The following PIBF1 variants were observed in gnomAD, a reference collection of about 807,000 sequenced individuals.
PIBF1 encodes the protein progesterone-induced-blocking factor 1.
Under a neutral mutation model 112.5 loss-of-function variants are expected in PIBF1, and 90 were observed. The observed-to-expected ratio is 0.80, with a 90% confidence interval of 0.67 to 0.95. The LOEUF is 0.95. Among genes scored for constraint, PIBF1 ranks in the 40% least tolerant of loss-of-function variants. The pLI is 0.00. For missense variants in PIBF1, 915 were observed against 852.3 expected (o/e 1.07, Z -0.92); for synonymous variants, 301 against 288.6 (o/e 1.04, Z -0.44).
At chr13:72,901,178 T>G in intron 11 of PIBF1, 1 of 307,416 alleles carries the variant, frequency 3.3e-6, no homozygotes, top group South Asian at 2.5e-5. Flanking sequence ...TGACAAAGGA[T>G]GAATATCCGG....
rs116279383 is a variant in PIBF1, at chr13:72,989,333, G to C, written c.2050-9489G>C. 7.0e-3 allele frequency among the ~76,000 whole-genome samples: 1,068 copies of C among 152,332 alleles called. 15 individuals are homozygous for C. Among genetic ancestry groups the C allele is most frequent in the African/African-American group, 0.025 (1,030 of 41,570 alleles). ...GTAACCAAAAAGTGGAAATAACCCA[G>C]ATGTCCTTCAGCTGATGAGTAAACA... On this transcript the variant is annotated intron_variant, in intron 16 of 17. Coordinates refer to ENST00000326291, the MANE Select transcript of PIBF1 (RefSeq NM_006346.4).
intron 10 of PIBF1, among the ~76,000 whole-genome samples, chr13:72,878,640 C>T (rs1401026661): frequency 1.3e-5 from 2 of 152,088 alleles, no homozygotes; most frequent in East Asian, 3.8e-4. Flanking sequence ...TGATTATAAC[C>T]TGTTGATTGG....
intron 13 of PIBF1, among the ~76,000 whole-genome samples, chr13:72,927,316 A>C (rs557809382): frequency 6.6e-6 from 1 of 152,112 alleles, no homozygotes. Context: ...CCATCTGGCT[A>C]ACATGGTGAA....
chr13:72,898,756 G>C (rs1359902784), intron 11 of PIBF1, among the ~76,000 whole-genome samples: 1 of 151,576 alleles, frequency 6.6e-6, no homozygotes, highest in Non-Finnish European at 1.5e-5. Flanking sequence ...GCTGAGGTAG[G>C]AGAATTGTTG....
chr13:72,987,466 A>T (rs956589315), intron 16 of PIBF1, among the ~76,000 whole-genome samples: 2 of 152,092 alleles, frequency 1.3e-5, no homozygotes, highest in Non-Finnish European at 2.9e-5. Context: ...ACTGGGCTAA[A>T]TAACTTGAAG....
chr13:73,004,368 G>A (rs752332155), intron 17 of PIBF1, among the ~76,000 whole-genome samples: 3 of 151,788 alleles, frequency 2.0e-5, no homozygotes, highest in Admixed American at 6.6e-5. Context: ...GCAGGCACCC[G>A]TAATCCCAGC....
intron 16 of PIBF1, among the ~76,000 whole-genome samples, chr13:72,984,070 A>C (rs2043217477): frequency 1.3e-5 from 2 of 152,168 alleles, no homozygotes; most frequent in Non-Finnish European, 2.9e-5. Context: ...TTTTCCCTAT[A>C]AAGTTTTAGA....
intron 10 of PIBF1, among the ~76,000 whole-genome samples, chr13:72,880,196 A>G (rs1396841584): frequency 6.6e-6 from 1 of 152,212 alleles, no homozygotes; most frequent in Non-Finnish European, 1.5e-5. Flanking sequence ...TTGAACGGGT[A>G]ACTCTGTTTC....
intron 17 of PIBF1, among the ~76,000 whole-genome samples, chr13:73,013,300 C>T (rs998097720): frequency 6.8e-5 from 1 of 14,658 alleles, no homozygotes; most frequent in Admixed American, 8.0e-4. Context: ...GACTCTGTCT[C>T]AAAAAAAAAA....
Position 72,838,928 on chromosome 13 carries a change from A to G in PIBF1, c.1223+3560A>G, listed in dbSNP as rs185762389. ...CAAAATGAAGCTTTTTGAACAAACT[A>G]ATTCGGTATGGCTGAAGGATAGACT... On this transcript the variant is annotated intron_variant, in intron 9 of 17. Coordinates refer to ENST00000326291, the MANE Select transcript of PIBF1 (RefSeq NM_006346.4). Among the ~76,000 whole-genome samples the G allele has an allele frequency of 9.2e-5, 14 of 152,346 alleles. No individual in the cohort carries two copies. The East Asian group carries it at 2.7e-3, about 29-fold the overall frequency.
chr13:72,855,926 C>T (rs775761765), intron 10 of PIBF1, among the ~76,000 whole-genome samples: 1 of 152,042 alleles, frequency 6.6e-6, no homozygotes, highest in African/African-American at 2.4e-5. Flanking sequence ...TAAAAGAAAA[C>T]GTAAGATATT....
chr13:72,948,697 C>T (rs896936167), intron 14 of PIBF1, among the ~76,000 whole-genome samples: 1 of 152,188 alleles, frequency 6.6e-6, no homozygotes, highest in Non-Finnish European at 1.5e-5. Context: ...TTAATTGATT[C>T]ACAGATCCAC....
intron 10 of PIBF1, among the ~76,000 whole-genome samples, chr13:72,857,063 GCCAAATAGAATA>G (rs1566365843): frequency 6.6e-6 from 1 of 152,110 alleles, no homozygotes; most frequent in Admixed American, 6.5e-5. Flanking sequence ...TTTAATGTAA[GCCAAATAGAATA>G]CCAAAAATAT....
At chr13:72,928,728 C>T (rs960070804) in intron 13 of PIBF1, among the ~76,000 whole-genome samples, 2 of 152,210 alleles carry the variant, frequency 1.3e-5, no homozygotes, top group African/African-American at 4.8e-5. Flanking sequence ...GCGTGAGCCA[C>T]CTCACCCGGC....
chr13:72,838,050 G>A (rs1272232790), intron 9 of PIBF1, among the ~76,000 whole-genome samples: 1 of 152,170 alleles, frequency 6.6e-6, no homozygotes, highest in Non-Finnish European at 1.5e-5. Flanking sequence ...TCAAAATGCA[G>A]ACTAAAAGAA....
intron 8 of PIBF1, among the ~76,000 whole-genome samples, chr13:72,830,485 AG>A (rs1165655548): frequency 2.0e-5 from 3 of 152,104 alleles, no homozygotes; most frequent in Non-Finnish European, 2.9e-5. Flanking sequence ...TTTAGCATGA[AG>A]GGGTGTTGAA....
chr13:72,842,160 G>C (rs1355581968), intron 9 of PIBF1, among the ~76,000 whole-genome samples: 1 of 152,110 alleles, frequency 6.6e-6, no homozygotes, highest in East Asian at 1.9e-4. Context: ...TTCCTAATTA[G>C]GTTATGAGAT....
At chr13:72,797,805 G>T (rs1593908627) in intron 4 of PIBF1, 102 bp from the exon 5 acceptor site, 1 of 847,858 alleles carries the variant, frequency 1.2e-6, no homozygotes, top group East Asian at 2.8e-5. Context: ...TTGTAGTTTT[G>T]TAAATATTTA....
chr13:72,850,731 A>T (rs1042063530), intron 9 of PIBF1, among the ~76,000 whole-genome samples: 9 of 151,652 alleles, frequency 5.9e-5, no homozygotes, highest in Non-Finnish European at 1.0e-4. Context: ...TCATTTCGAA[A>T]TGAAAAATAT....
Sources: gnomAD v4.1 joint callset for allele counts (sites outside exome capture counted in the v4.1 genomes callset) on GRCh38, gnomAD v4.1.1 for gene constraint, MANE v1.5 for transcripts, NCBI Gene and HGNC (gene_info 2026-07-23, HGNC 2026-07-21) for gene names.